LAMA2: variants seen among roughly 807,000 people sequenced by gnomAD.
LAMA2 encodes the protein laminin subunit alpha 2.
LAMA2 carries 269 observed loss-of-function variants against 364.8 expected under a neutral mutation model. The ratio of observed to expected loss-of-function variants is 0.74; its 90% CI spans 0.67 to 0.82. The LOEUF (loss-of-function observed/expected upper bound fraction) is 0.82. LAMA2 is among the 40% of genes least tolerant of loss of function. The probability of loss-of-function intolerance (pLI) is 0.00; values close to 1 mark genes in which losing one functional copy is unlikely to be tolerated. For synonymous variants in LAMA2, 1,379 were observed against 1,370.6 expected, an observed-to-expected ratio of 1.01 and a Z score of -0.14; for missense variants, 3,807 against 3,873.2, an observed-to-expected ratio of 0.98 and a Z score of 0.45.
At chr6:129,450,166 T>C (rs115239328) in intron 45 of LAMA2, among the ~76,000 whole-genome samples, 2,061 of 152,060 alleles carry the variant, frequency 0.014, 53 homozygotes, top group African/African-American at 0.047. Context: ...CGTTTTTTTT[T>C]TTTTACCAGG....
chr6:129,251,620 GA>G (rs1239978446), intron 13 of LAMA2, among the ~76,000 whole-genome samples: 7 of 152,124 alleles, frequency 4.6e-5, no homozygotes, highest in African/African-American at 1.7e-4. Context: ...GAATGACAGG[GA>G]AAGCCAACCT....
chr6:129,098,383 T>C lies in LAMA2; in HGVS notation c.607T>C (p.Tyr203His), dbSNP rs774542927. Residue 203 changes from tyrosine (Y) to histidine (H), a missense_variant, in exon 4 of 65, where the codon TAC becomes CAC. Physicochemically the swap from Tyr to His is moderately conservative, Grantham distance 83. Around this residue, in one of 3 missense-constraint regions of LAMA2, gnomAD observed 394 missense variants for 403.5 expected, o/e 0.98. Transcript: ENST00000421865. ...KDDEVICTSF[Y>H]SKIHPLENGE... ...TGATGAGGTCATCTGCACTTCATTTTACTCCAAGATACACCCCTTAGAAAA... is the reference window on the plus strand; with the variant it reads ...TGATGAGGTCATCTGCACTTCATTTCACTCCAAGATACACCCCTTAGAAAA... 1.2e-6 allele frequency: 2 copies of C among 1,614,090 alleles called. No individual in the cohort carries two copies.
chr6:129,319,263 C>T (rs1048118564), intron 27 of LAMA2, among the ~76,000 whole-genome samples: 9 of 152,012 alleles, frequency 5.9e-5, no homozygotes, highest in African/African-American at 2.2e-4. Flanking sequence ...TTCACCAGTG[C>T]CTGTACGAAA....
At chr6:129,011,372 A>G (rs1784757928) in intron 1 of LAMA2, among the ~76,000 whole-genome samples, 1 of 152,194 alleles carries the variant, frequency 6.6e-6, no homozygotes, top group African/African-American at 2.4e-5. Flanking sequence ...TTTGGGTAAC[A>G]GTGGATAAGA....
intron 1 of LAMA2, among the ~76,000 whole-genome samples, chr6:128,921,704 T>TTTTTTTTG (rs1554324913): frequency 9.7e-5 from 14 of 144,976 alleles, no homozygotes; most frequent in South Asian, 6.3e-4. Flanking sequence ...TCTGTTTTTT[T>TTTTTTTTG]TTTTTTTTTA....
chr6:129,400,968 ACTAGTATCGCATAACTTTT>A (rs1779934603), intron 37 of LAMA2, among the ~76,000 whole-genome samples: 1 of 152,338 alleles, frequency 6.6e-6, no homozygotes, highest in Admixed American at 6.5e-5. Context: ...TAATTCCTTA[ACTAGTATCGCATAACTTTT>A]CTTCGCTTGG....
intron 1 of LAMA2, among the ~76,000 whole-genome samples, chr6:128,900,571 T>C (rs913672266): frequency 1.3e-5 from 2 of 152,090 alleles, no homozygotes; most frequent in African/African-American, 4.8e-5. Context: ...TACTCAACGA[T>C]AGAAAAAAGA....
intron 1 of LAMA2, among the ~76,000 whole-genome samples, chr6:128,962,021 G>A (rs1781550796): frequency 6.8e-6 from 1 of 146,976 alleles, no homozygotes; most frequent in Non-Finnish European, 1.5e-5. Context: ...CCTCCCCTTG[G>A]CAGACACATC....
In LAMA2 at chr6:129,454,325, T is replaced by C. The variant is rs2297742; in HGVS notation, c.6707+37T>C. ...AATAAAGATTAAGATAATTAAATGA[T>C]AGAATTTTGAAGTAGTTTCCCAGTT... is the stretch of plus-strand genomic sequence containing the variant. On this transcript the variant is annotated intron_variant, in intron 47 of 64. Transcript: ENST00000421865. 0.14 allele frequency: 213,553 copies of C among 1,558,298 alleles called. 15,363 individuals are homozygous for C. Among genetic ancestry groups the C allele is most frequent in the Admixed American group, 0.21 (12,036 of 58,620 alleles).
intron 41 of LAMA2, among the ~76,000 whole-genome samples, chr6:129,429,314 T>G (rs1781478470): frequency 6.6e-6 from 1 of 152,252 alleles, no homozygotes; most frequent in Admixed American, 6.5e-5. Context: ...GCATTCCATC[T>G]TCTTGAGGAA....
At chr6:129,227,910 T>A (rs1257187569) in intron 12 of LAMA2, among the ~76,000 whole-genome samples, 1 of 152,206 alleles carries the variant, frequency 6.6e-6, no homozygotes, top group African/African-American at 2.4e-5. Context: ...TGTTCGGCTA[T>A]GTCCTACTCC....
At position 129,122,966 on chromosome 6, in the gene LAMA2, T is replaced by C. The variant is rs144962802; in HGVS notation, c.640-20935T>C. ...AGGGAATGTAAATTGGTTCAACCAT[T>C]ATGGAAGGAAAAAAGTAGGAAGGTT... On this transcript the variant is annotated intron_variant, in intron 4 of 64. Coordinates refer to ENST00000421865, the MANE Select transcript of LAMA2 (RefSeq NM_000426.4). 1.4e-4 allele frequency among the ~76,000 whole-genome samples: 21 copies of C among 152,194 alleles called. No homozygotes were observed. In the East Asian group the frequency reaches 3.5e-3, roughly 25 times the overall value.
intron 18 of LAMA2, among the ~76,000 whole-genome samples, chr6:129,282,287 C>T (rs1353954120): frequency 6.6e-6 from 1 of 152,252 alleles, no homozygotes; most frequent in South Asian, 2.1e-4. Context: ...TGGCCATAAA[C>T]CCTCTGCTTT....
At chr6:129,280,343 T>G (rs1416579775) in intron 18 of LAMA2, among the ~76,000 whole-genome samples, 196 bp downstream of exon 18, 1 of 152,228 alleles carries the variant, frequency 6.6e-6, no homozygotes, top group African/African-American at 2.4e-5. Context: ...AATTGCTTCA[T>G]AAATCTTCAT....
intron 35 of LAMA2, 137 bp downstream of exon 35, chr6:129,383,370 T>C (rs1410935727): frequency 1.3e-6 from 1 of 760,454 alleles, no homozygotes; most frequent in East Asian, 2.7e-5. Context: ...AGTAGTGTGG[T>C]TAAGATATTC....
intron 27 of LAMA2, among the ~76,000 whole-genome samples, chr6:129,318,945 A>G (rs183446054): frequency 6.6e-6 from 1 of 152,328 alleles, no homozygotes; most frequent in East Asian, 1.9e-4. Flanking sequence ...AGTCCATCAT[A>G]AAATAGTCCC....
At chr6:129,012,766 C>G (rs1418819078) in intron 1 of LAMA2, among the ~76,000 whole-genome samples, 1 of 152,196 alleles carries the variant, frequency 6.6e-6, no homozygotes, top group Non-Finnish European at 1.5e-5. Flanking sequence ...AAATAATTTT[C>G]AAACCCACTG....
intron 1 of LAMA2, among the ~76,000 whole-genome samples, chr6:128,934,715 G>A (rs149535498): frequency 6.6e-6 from 1 of 152,104 alleles, no homozygotes; most frequent in African/African-American, 2.4e-5. Flanking sequence ...TGCTATGTTG[G>A]ACAGGCTGGT....
intron 16 of LAMA2, 123 bp downstream of exon 16, chr6:129,267,342 T>A: frequency 1.3e-6 from 1 of 759,624 alleles, no homozygotes; most frequent in South Asian, 1.4e-5. Context: ...TTGACAAAGA[T>A]CTTTGTATTG....
Sources: allele counts gnomAD v4.1 joint callset (sites outside exome capture counted in the v4.1 genomes callset), GRCh38; gene constraint gnomAD v4.1.1; regional missense constraint gnomAD v4.1.1; transcripts MANE v1.5; gene names NCBI Gene and HGNC (gene_info 2026-07-23, HGNC 2026-07-21).